Variants in PPP2R3A observed in about 807,000 individuals in gnomAD.
The protein encoded by PPP2R3A is serine/threonine-protein phosphatase 2A regulatory subunit B'' subunit alpha.
In PPP2R3A, 80 loss-of-function variants were observed where a neutral mutation model predicts 106.9. The ratio of observed to expected loss-of-function variants is 0.75; its 90% CI spans 0.62 to 0.90. The LOEUF is 0.90. PPP2R3A is among the 40% of genes least tolerant of loss of function. The probability of loss-of-function intolerance (pLI) is 0.00; values close to 1 mark genes in which losing one functional copy is unlikely to be tolerated. For missense variants in PPP2R3A, 1,386 were observed against 1,350.4 expected (o/e 1.03, Z -0.41); for synonymous variants, 483 against 468.3 (o/e 1.03, Z -0.41).
At chr3:136,129,194 CA>C (rs375578671) in intron 13 of PPP2R3A, among the ~76,000 whole-genome samples, 6,102 of 138,914 alleles carry the variant, frequency 0.044, 428 homozygotes, top group African/African-American at 0.15. Flanking sequence ...GAGATAGAGA[CA>C]AAAAAAAAAA....
intron 1 of PPP2R3A, among the ~76,000 whole-genome samples, chr3:135,998,910 A>G (rs1434448488): frequency 6.6e-6 from 1 of 152,254 alleles, no homozygotes; most frequent in Non-Finnish European, 1.5e-5. Context: ...GTTAAAGTAT[A>G]TACATAAGAA....
Position 136,116,761 on chromosome 3 carries a change from A to G in PPP2R3A, c.3329+10439A>G, listed in dbSNP as rs956276985. On this transcript the variant is annotated intron_variant, in intron 13 of 13. Coordinates refer to ENST00000264977, the MANE Select transcript of PPP2R3A (RefSeq NM_002718.5). ...ATTAAGCAAGTTCTCAGAGACCTAC[A>G]AAGAGACTTAGACTCCCACACAATA... Among the ~76,000 whole-genome samples the G allele has an allele frequency of 3.9e-5, 6 of 152,358 alleles. No individual in the cohort carries two copies. In the East Asian group the frequency reaches 5.8e-4, roughly 15 times the overall value.
At chr3:136,116,903 G>A (rs562887904) in intron 13 of PPP2R3A, among the ~76,000 whole-genome samples, 58 of 152,138 alleles carry the variant, frequency 3.8e-4, no homozygotes, top group African/African-American at 1.0e-3. Flanking sequence ...CAACATCTAC[G>A]GAACTCTCCA....
At chr3:136,087,344 T>C (rs1936977601) in intron 8 of PPP2R3A, 1 of 144,756 alleles carries the variant, frequency 6.9e-6, no homozygotes, top group Non-Finnish European at 1.5e-5. Flanking sequence ...TGAATAAAAC[T>C]TCCTGATGGA....
At chr3:136,077,099 G>A (rs1936622798) in intron 6 of PPP2R3A, among the ~76,000 whole-genome samples, 1 of 152,204 alleles carries the variant, frequency 6.6e-6, no homozygotes, top group Non-Finnish European at 1.5e-5. Context: ...AGGTGGCAGT[G>A]GGAGCACAGA....
At chr3:136,053,438 C>T (rs1328898504) in intron 5 of PPP2R3A, among the ~76,000 whole-genome samples, 22 of 152,058 alleles carry the variant, frequency 1.4e-4, no homozygotes, top group Non-Finnish European at 1.5e-5. Context: ...TGTGTGTGGG[C>T]TCAAGTGGTG....
intron 7 of PPP2R3A, among the ~76,000 whole-genome samples, chr3:136,079,850 A>G (rs572934345): frequency 2.6e-5 from 4 of 152,136 alleles, no homozygotes; most frequent in South Asian, 2.1e-4. Flanking sequence ...AAAGAACTCA[A>G]GTGTTCTGCT....
Position 136,001,757 on chromosome 3 carries a change from C to G in PPP2R3A, c.259C>G (p.Pro87Ala), listed in dbSNP as rs770192456. The change falls in exon 2 of 14, where the codon CCC (proline) becomes GCC (alanine). Residue 87 changes from proline (P) to alanine (A), a missense_variant. Pro to Ala is a conservative substitution (Grantham distance 27). Coordinates refer to ENST00000264977, the MANE Select transcript of PPP2R3A (RefSeq NM_002718.5). ...NGLSSAEGDY[P>A]QQAFTGIPRV... ...GCTTTCTTCGGCTGAAGGAGACTAT[C>G]CCCAACAGGCCTTCACAGGCATACC... 4.3e-6 allele frequency: 7 copies of G among 1,614,016 alleles called. No homozygotes were observed. In the African/African-American group the frequency reaches 9.3e-5, roughly 22 times the overall value.
chr3:135,987,910 T>C (rs1932992186), intron 1 of PPP2R3A, among the ~76,000 whole-genome samples: 1 of 152,208 alleles, frequency 6.6e-6, no homozygotes, highest in South Asian at 2.1e-4. Context: ...CTCTGCATGT[T>C]TGAAGTGCCC....
chr3:136,060,378 C>G (rs1936035331), intron 5 of PPP2R3A, among the ~76,000 whole-genome samples: 1 of 152,100 alleles, frequency 6.6e-6, no homozygotes, highest in Non-Finnish European at 1.5e-5. Flanking sequence ...CTCTGTGTCC[C>G]CACCCAAATC....
At chr3:136,136,207 A>G (rs1490288969) in intron 13 of PPP2R3A, among the ~76,000 whole-genome samples, 3 of 151,862 alleles carry the variant, frequency 2.0e-5, no homozygotes, top group African/African-American at 7.3e-5. Flanking sequence ...AGCATCCTCT[A>G]TAAAAATAAG....
At chr3:136,132,694 C>T (rs1247471843) in intron 13 of PPP2R3A, among the ~76,000 whole-genome samples, 8 of 151,764 alleles carry the variant, frequency 5.3e-5, no homozygotes, top group African/African-American at 9.7e-5. Flanking sequence ...AATCGATGTA[C>T]GGATTTAACA....
At chr3:135,999,936 T>C (rs1933555466) in intron 1 of PPP2R3A, among the ~76,000 whole-genome samples, 1 of 151,864 alleles carries the variant, frequency 6.6e-6, no homozygotes, top group Admixed American at 6.6e-5. Flanking sequence ...TCTCCCACAT[T>C]GTCTCCTTGC....
At chr3:136,081,612 A>G (rs567646748) in intron 7 of PPP2R3A, among the ~76,000 whole-genome samples, 4 of 152,060 alleles carry the variant, frequency 2.6e-5, no homozygotes, top group South Asian at 4.2e-4. Flanking sequence ...TCACTTCTGA[A>G]TATGTCTTTA....
chr3:135,988,567 A>G (rs535449566), intron 1 of PPP2R3A, among the ~76,000 whole-genome samples: 126 of 152,242 alleles, frequency 8.3e-4, no homozygotes, highest in African/African-American at 2.6e-3. Context: ...GTAGCTTTCC[A>G]TCTCACTTAG....
In PPP2R3A at chr3:136,003,335, G is replaced by A. The variant is rs1224109526; in HGVS notation, c.1837G>A (p.Gly613Arg). ...QELVECKSSR[G>R]SLSQEKEMMQ... ...ACTAGTTGAATGCAAATCAAGCAGAGGGAGCCTATCACAAGAAAAGGAAAT... is the reference window on the plus strand; with the variant it reads ...ACTAGTTGAATGCAAATCAAGCAGAAGGAGCCTATCACAAGAAAAGGAAAT... The change falls in exon 2 of 14, where the codon GGG becomes AGG. Residue 613 changes from glycine (G) to arginine (R), a missense_variant. Transcript: ENST00000264977. The A allele has an allele frequency of 6.2e-7, 1 of 1,613,872 alleles. No homozygotes were observed. The highest frequency in any genetic ancestry group is 1.3e-5 in the African/African-American group (1 of 74,912).
chr3:136,085,784 A>G (rs182345689), intron 8 of PPP2R3A, among the ~76,000 whole-genome samples: 3 of 152,106 alleles, frequency 2.0e-5, no homozygotes, highest in Admixed American at 6.6e-5. Flanking sequence ...AATGGTATGC[A>G]TCTTAAGAAA....
chr3:136,084,858 G>A (rs765324153), intron 8 of PPP2R3A, among the ~76,000 whole-genome samples: 32 of 152,186 alleles, frequency 2.1e-4, no homozygotes, highest in South Asian at 4.1e-4. Context: ...TGTTTTGACT[G>A]ATTTCTCCCA....
At chr3:136,137,520 T>A (rs1212422211) in intron 13 of PPP2R3A, among the ~76,000 whole-genome samples, 4 of 147,960 alleles carry the variant, frequency 2.7e-5, no homozygotes, top group African/African-American at 9.9e-5. Context: ...AATATATGAA[T>A]TACTCTGTCA....
Sources: allele counts gnomAD v4.1 joint callset (sites outside exome capture counted in the v4.1 genomes callset), GRCh38; gene constraint gnomAD v4.1.1; transcripts MANE v1.5; gene names NCBI Gene and HGNC (gene_info 2026-07-23, HGNC 2026-07-21).